The following ZNF624 variants were observed in gnomAD, a reference collection of about 807,000 sequenced individuals.
The protein encoded by ZNF624 is zinc finger protein 624.
In ZNF624, 43 loss-of-function variants were observed where a neutral mutation model predicts 74.7. That is an observed-to-expected ratio of 0.58 (90% CI 0.45 to 0.74). The LOEUF (loss-of-function observed/expected upper bound fraction) is 0.74, where lower values mean the gene tolerates loss of function less well. Ranked by LOEUF, ZNF624 falls within the 30% of genes least tolerant of loss-of-function variation. The probability of loss-of-function intolerance (pLI) is 0.00; values close to 1 mark genes in which losing one functional copy is unlikely to be tolerated. For synonymous variants in ZNF624, 331 were observed against 341.3 expected (o/e 0.97, Z 0.33); for missense variants, 820 against 1,030.0 (o/e 0.80, Z 2.79).
chr17:16,630,681 A>G (rs1202675280), intron 5 of ZNF624, among the ~76,000 whole-genome samples: 1 of 152,216 alleles, frequency 6.6e-6, no homozygotes, highest in East Asian at 1.9e-4. Flanking sequence ...CAAAAGAAAG[A>G]TGCTGTAGTA....
At chr17:16,617,570 G>T, downstream of ZNF624, 1 of 1,569,096 alleles carries the variant, frequency 6.4e-7, no homozygotes, top group Admixed American at 1.7e-5. Flanking sequence ...GTACGAACAG[G>T]TGGTCCGTAT....
chr17:16,652,117 T>G (rs1909740160), intron 1 of ZNF624, among the ~76,000 whole-genome samples: 1 of 152,110 alleles, frequency 6.6e-6, no homozygotes, highest in Non-Finnish European at 1.5e-5. Flanking sequence ...ATCTCACCAC[T>G]ACACAATCTA....
At chr17:16,616,520 A>T (rs8069871), downstream of ZNF624, among the ~76,000 whole-genome samples, 7,368 of 152,296 alleles carry the variant, frequency 0.048, 441 homozygotes, top group South Asian at 0.13. Context: ...CAACAAAAAA[A>T]CCCTGCCAGC....
intron 1 of ZNF624, among the ~76,000 whole-genome samples, chr17:16,652,152 T>TG (rs919129170): frequency 9.2e-5 from 14 of 151,968 alleles, no homozygotes; most frequent in African/African-American, 2.7e-4. Flanking sequence ...TCTTAATTTT[T>TG]GGGGGGGTAC....
At chr17:16,617,422 C>A, downstream of ZNF624, 1 of 1,612,896 alleles carries the variant, frequency 6.2e-7, no homozygotes, top group Non-Finnish European at 8.5e-7. Context: ...AGAGTAGGAG[C>A]GAAACTCAAT....
chr17:16,622,373 C>T lies in ZNF624; in HGVS notation c.2513G>A (p.Cys838Tyr). The T allele has an allele frequency of 6.2e-7, 1 of 1,613,644 alleles. No homozygotes were observed. Residue 838 changes from cysteine to tyrosine, a missense_variant, in exon 6 of 6, where the codon TGT (cysteine) becomes TAT (tyrosine). By Grantham distance (194) the Cys-to-Tyr change is radical. Coordinates refer to ENST00000311331, the MANE Select transcript of ZNF624 (RefSeq NM_020787.4). ...CCTGAAGGCTTTTCCACATTCATTA[C>T]ATTTATAGGGTTTTTCTCCAGTATG... is the stretch of plus-strand genomic sequence containing the variant. ...RMHTGEKPYKCNECGKAFRSS... is the reference protein window; with the variant it reads ...RMHTGEKPYKYNECGKAFRSS...
intron 5 of ZNF624, among the ~76,000 whole-genome samples, chr17:16,626,088 T>C (rs1909065370): frequency 6.6e-6 from 1 of 152,298 alleles, no homozygotes. Context: ...TAGTTGGGAT[T>C]ACAGGCATGC....
chr17:16,647,479 T>C, intron 2 of ZNF624, 85 bp from the exon 3 acceptor site: 2 of 1,105,324 alleles, frequency 1.8e-6, no homozygotes. Flanking sequence ...CAATCCACTG[T>C]GGATGCAGTG....
At chr17:16,615,228 G>T in the ZNF624 span, among the ~76,000 whole-genome samples, 1 of 152,148 alleles carries the variant, frequency 6.6e-6, no homozygotes, top group Non-Finnish European at 1.5e-5. Context: ...CTCCTGAGTA[G>T]CTGGGAATAC....
At chr17:16,635,217 A>C (rs1325150119) in intron 3 of ZNF624, among the ~76,000 whole-genome samples, 2 of 152,162 alleles carry the variant, frequency 1.3e-5, no homozygotes, top group African/African-American at 4.8e-5. Flanking sequence ...ACATTTTATC[A>C]TTTGTATTGT....
At chr17:16,616,758 G>A, downstream of ZNF624, 2 of 753,240 alleles carry the variant, frequency 2.7e-6, no homozygotes, top group Non-Finnish European at 4.0e-6. Context: ...GATTCCTCTT[G>A]CAGAAGAGAC....
chr17:16,619,129 G>A (rs9889868), downstream of ZNF624, among the ~76,000 whole-genome samples: 61,309 of 152,044 alleles, frequency 0.4, 14,427 homozygotes, highest in African/African-American at 0.64. Context: ...AAACAAGGGA[G>A]AGAGAGGAAG....
downstream of ZNF624, chr17:16,617,692 G>A: frequency 1.2e-6 from 2 of 1,604,584 alleles, no homozygotes; most frequent in Non-Finnish European, 1.7e-6. Flanking sequence ...ACGATCACGC[G>A]CTCGCCGCAG....
At chr17:16,617,129 T>C (rs1342150096), downstream of ZNF624, 1 of 1,613,088 alleles carries the variant, frequency 6.2e-7, no homozygotes. Flanking sequence ...CGATCAGACT[T>C]GGGCTTAGAT....
intron 3 of ZNF624, 40 bp from the exon 4 acceptor site, chr17:16,634,796 T>C: frequency 1.3e-6 from 2 of 1,569,110 alleles, no homozygotes; most frequent in Non-Finnish European, 1.7e-6. Context: ...AACTATACAA[T>C]TAGACTTGTT....
intron 2 of ZNF624, 115 bp downstream of exon 2, chr17:16,649,543 T>A (rs763770359): frequency 4.6e-5 from 40 of 869,268 alleles, no homozygotes; most frequent in Non-Finnish European, 6.2e-5. Flanking sequence ...TGGGTCTATT[T>A]AGTTGAGTTC....
rs937695019 is a variant in ZNF624, at chr17:16,628,088, C to G, written c.377-3579G>C. 3.3e-5 allele frequency among the ~76,000 whole-genome samples: 5 copies of G among 152,152 alleles called. No individual in the cohort carries two copies. In the South Asian group the frequency reaches 1.0e-3, roughly 32 times the overall value. ...CAGACTGGGCAACATGGCAAAACCC[C>G]ATCTCTACTAAAAAATACAAAAAAA... On this transcript the variant is annotated intron_variant, in intron 5 of 5. Transcript: ENST00000311331.
chr17:16,622,182 T>C lies in ZNF624; in HGVS notation c.*106A>G. The C allele has an allele frequency of 1.2e-6, 1 of 844,412 alleles. No homozygotes were observed. Among genetic ancestry groups the C allele is most frequent in the Non-Finnish European group, 1.7e-6 (1 of 578,742 alleles). 52.3% of individuals were successfully genotyped at this position (844,412 alleles called of 1,614,324 possible). A position where few individuals can be genotyped will look rare whatever the true frequency, so the allele number is the denominator to read the frequency against. ...CACATAATTGCTTATAGTTTCTCTG[T>C]ATACTTTCTGATAAATTCCTAATGA... On this transcript the variant is annotated 3_prime_UTR_variant, in exon 6 of 6. Coordinates refer to ENST00000311331, the MANE Select transcript of ZNF624 (RefSeq NM_020787.4).
At chr17:16,652,662 A>G (rs549040685) in intron 1 of ZNF624, among the ~76,000 whole-genome samples, 1 of 152,328 alleles carries the variant, frequency 6.6e-6, no homozygotes, top group African/African-American at 2.4e-5. Flanking sequence ...AAGACTGAGT[A>G]ACCCAAAACT....
Sources: allele counts gnomAD v4.1 joint callset (sites outside exome capture counted in the v4.1 genomes callset), GRCh38; gene constraint gnomAD v4.1.1; transcripts MANE v1.5; gene names NCBI Gene and HGNC (gene_info 2026-07-23, HGNC 2026-07-21).